CC2D2B: variants seen among roughly 807,000 people sequenced by gnomAD.
The protein encoded by CC2D2B is protein CC2D2B.
Under a neutral mutation model 161.2 loss-of-function variants are expected in CC2D2B, and 128 were observed. That is an observed-to-expected ratio of 0.79 (90% CI 0.69 to 0.92). The LOEUF (loss-of-function observed/expected upper bound fraction) is 0.92. CC2D2B is among the 40% of genes least tolerant of loss of function. The pLI is 0.00. For synonymous variants in CC2D2B, 391 were observed against 449.8 expected (o/e 0.87, Z 1.65); for missense variants, 1,173 against 1,375.1 (o/e 0.85, Z 2.32).
rs750002281 is a variant in CC2D2B at position 95,938,100 on chromosome 10, T to C, written c.446T>C (p.Ile149Thr). 1.7e-5 allele frequency: 27 copies of C among 1,548,446 alleles called. 1 individual carries two copies. The highest frequency in any genetic ancestry group is 2.4e-5 in the South Asian group (2 of 84,002). ...ATGAAAGAATTCATTTTGACAGATA[T>C]ACTCAAAGTAAAAGCTGCTGACTAT... ...EFMKEFILTD[I>T]LKVKAADYED... The change falls in exon 7 of 35, where the codon ATA becomes ACA. Residue 149 changes from isoleucine to threonine, a missense_variant. Physicochemically the swap from Ile to Thr is moderately conservative, Grantham distance 89. This residue lies in a region of CC2D2B where 298 missense variants were observed against 261.2 expected (regional missense o/e 1.14). Transcript: ENST00000646931.
intron 17 of CC2D2B, among the ~76,000 whole-genome samples, chr10:95,976,773 A>G (rs2077329181): frequency 6.6e-6 from 1 of 152,174 alleles, no homozygotes; most frequent in Non-Finnish European, 1.5e-5. Context: ...TTTAAGACAG[A>G]GCTTCGCTCT....
chr10:95,916,676 T>C (rs569566074), intron 2 of CC2D2B, among the ~76,000 whole-genome samples: 45 of 152,314 alleles, frequency 3.0e-4, no homozygotes, highest in African/African-American at 1.0e-3. Context: ...TATTGTGTAA[T>C]TTCCATGTGT....
At chr10:95,967,777 G>A (rs1056688604) in intron 14 of CC2D2B, among the ~76,000 whole-genome samples, 1 of 152,112 alleles carries the variant, frequency 6.6e-6, no homozygotes, top group Non-Finnish European at 1.5e-5. Context: ...GGCCAACAGG[G>A]AGATAAGAAT....
chr10:95,957,865 T>C (rs1293137143), intron 11 of CC2D2B, among the ~76,000 whole-genome samples: 1 of 149,072 alleles, frequency 6.7e-6, no homozygotes, highest in Non-Finnish European at 1.5e-5. Flanking sequence ...CTGGCCATGA[T>C]TTAAAAAAAA....
chr10:96,004,029 T>G, intron 24 of CC2D2B, 123 bp from the exon 25 acceptor site: 1 of 593,046 alleles, frequency 1.7e-6, no homozygotes, highest in South Asian at 2.5e-5. Flanking sequence ...AACTTTTTCT[T>G]AGTTTATACT....
intron 23 of CC2D2B, 37 bp downstream of exon 23, chr10:95,995,402 T>C: frequency 3.9e-6 from 4 of 1,020,980 alleles, no homozygotes; most frequent in Non-Finnish European, 5.6e-6. Context: ...ATAATATTGA[T>C]TATGTTTGTT....
chr10:96,023,470 A>T (rs2079556255), intron 32 of CC2D2B, among the ~76,000 whole-genome samples: 1 of 152,232 alleles, frequency 6.6e-6, no homozygotes, highest in African/African-American at 2.4e-5. Flanking sequence ...TTGCCAGAAA[A>T]GGAAAGGATA....
At position 95,963,841 on chromosome 10, in the gene CC2D2B, G is replaced by A. The variant is rs145179012; in HGVS notation, c.1250+1872G>A. ...CAAGTTTTATAAAGTTACAGCGGCA[G>A]AAATGAGGTAACAGGAAGTTGAGGA... On this transcript the variant is annotated intron_variant, in intron 12 of 34. Coordinates refer to ENST00000646931, the MANE Select transcript of CC2D2B (RefSeq NM_001349008.3). 4.4e-3 allele frequency among the ~76,000 whole-genome samples: 677 copies of A among 152,286 alleles called. 1 individual carries two copies. The highest frequency in any genetic ancestry group is 7.4e-3 in the Non-Finnish European group (501 of 68,012).
In CC2D2B at chr10:96,024,911, G is replaced by A. The variant is rs1193744396; in HGVS notation, c.3947G>A (p.Arg1316Lys). 1.3e-6 allele frequency: 2 copies of A among 1,521,380 alleles called. No individual in the cohort carries two copies. Among genetic ancestry groups the A allele is most frequent in the Non-Finnish European group, 1.8e-6 (2 of 1,121,544 alleles). 94.2% of individuals were successfully genotyped at this position (1,521,380 alleles called of 1,614,324 possible). A position where few individuals can be genotyped will look rare whatever the true frequency, so the allele number is the denominator to read the frequency against. ...DKSMVEDLRN[R>K]IERTLKSKVM... Reference sequence around the variant, plus strand: ...AGCATGGTAGAAGATCTAAGGAATAGGTACTGTGTTTTCCCCTAATCTCTT... The same window carrying A: ...AGCATGGTAGAAGATCTAAGGAATAAGTACTGTGTTTTCCCCTAATCTCTT... Residue 1316 changes from arginine (R) to lysine (K), a missense_variant and splice_region_variant, in exon 33 of 35, where the codon AGG (arginine) becomes AAG (lysine). Transcript: ENST00000646931.
At chr10:95,929,429 G>A (rs564484127) in intron 6 of CC2D2B, among the ~76,000 whole-genome samples, 43 of 152,236 alleles carry the variant, frequency 2.8e-4, no homozygotes, top group Admixed American at 2.3e-3. Flanking sequence ...TTTGGCTTTT[G>A]TTGCCATTGC....
chr10:95,997,053 A>G lies in CC2D2B; in HGVS notation c.2849+801A>G, dbSNP rs148874422. 2.6e-5 allele frequency among the ~76,000 whole-genome samples: 4 copies of G among 152,352 alleles called. No individual in the cohort carries two copies. In the East Asian group the frequency reaches 7.7e-4, roughly 29 times the overall value. ...CCCTCACCAGACACCAGATGCTGAC[A>G]TCTTGATTTTGAACTTTGCAGCCTC... On this transcript the variant is annotated intron_variant, in intron 24 of 34. Coordinates refer to ENST00000646931, the MANE Select transcript of CC2D2B (RefSeq NM_001349008.3).
At chr10:96,015,905 T>C (rs1365205180) in intron 29 of CC2D2B, among the ~76,000 whole-genome samples, 1 of 152,164 alleles carries the variant, frequency 6.6e-6, no homozygotes, top group Non-Finnish European at 1.5e-5. Context: ...ACTTTAATAT[T>C]TGTCCTAAAC....
intron 34 of CC2D2B, among the ~76,000 whole-genome samples, chr10:96,031,524 T>C (rs1321939995): frequency 6.6e-6 from 1 of 152,194 alleles, no homozygotes; most frequent in African/African-American, 2.4e-5. Flanking sequence ...ACCAGCAGTT[T>C]GCTCTCTAGA....
intron 10 of CC2D2B, chr10:95,950,471 G>C (rs1206831309): frequency 1.3e-5 from 2 of 153,088 alleles, no homozygotes; most frequent in Non-Finnish European, 2.9e-5. Context: ...AAGAGTCTTG[G>C]TCTGAAGATG....
intron 11 of CC2D2B, among the ~76,000 whole-genome samples, chr10:95,960,122 TTAAG>T: frequency 6.6e-6 from 1 of 152,334 alleles, no homozygotes; most frequent in African/African-American, 2.4e-5. Context: ...AGCAGTTTTC[TTAAG>T]TAAGTTGGAG....
intron 26 of CC2D2B, 80 bp downstream of exon 26, chr10:96,010,003 A>G (rs2078916778): frequency 1.2e-6 from 1 of 815,254 alleles, no homozygotes; most frequent in African/African-American, 1.7e-5. Context: ...TTTGAATCAG[A>G]CTCTGTGATT....
Position 95,943,746 on chromosome 10 carries a change from C to A in CC2D2B, c.801+4821C>A, listed in dbSNP as rs557787441. 7.2e-5 allele frequency among the ~76,000 whole-genome samples: 11 copies of A among 151,942 alleles called. No individual in the cohort carries two copies. The South Asian group carries it at 2.3e-3, about 32-fold the overall frequency. ...TGAATCTTTTTATTATCTATTTTTT[C>A]TCTTGGTTTTGCTCATTTAGTCTTG... On this transcript the variant is annotated intron_variant, in intron 9 of 34. Transcript: ENST00000646931.
chr10:95,969,240 C>A (rs1444486320), intron 15 of CC2D2B, among the ~76,000 whole-genome samples: 1 of 152,162 alleles, frequency 6.6e-6, no homozygotes, highest in African/African-American at 2.4e-5. Flanking sequence ...TGAATGATTT[C>A]TATAATACGA....
chr10:95,939,238 G>A (rs749945076), intron 9 of CC2D2B, among the ~76,000 whole-genome samples: 3 of 152,010 alleles, frequency 2.0e-5, no homozygotes, highest in Non-Finnish European at 4.4e-5. Context: ...CTACCACTAC[G>A]TTACTCTTGT....
Sources: gnomAD v4.1 joint callset for allele counts (sites outside exome capture counted in the v4.1 genomes callset) on GRCh38, gnomAD v4.1.1 for gene constraint, gnomAD v4.1.1 regional missense constraint, MANE v1.5 for transcripts, NCBI Gene and HGNC (gene_info 2026-07-23, HGNC 2026-07-21) for gene names.